The following ARID2 variants were observed in gnomAD, a reference collection of about 807,000 sequenced individuals.
ARID2 encodes the protein AT-rich interaction domain 2, also known as AT-rich interactive domain-containing protein 2.
Under a neutral mutation model 184.6 loss-of-function variants are expected in ARID2, and 32 were observed. That is an observed-to-expected ratio of 0.17 (90% confidence interval 0.13 to 0.23). ARID2 has a LOEUF of 0.23. Ranked by LOEUF, ARID2 falls within the 10% of genes least tolerant of loss-of-function variation. The pLI is 1.00. For synonymous variants in ARID2, 836 were observed against 772.6 expected (o/e 1.08, Z -1.36); for missense variants, 1,696 against 2,197.6 (o/e 0.77, Z 4.56).
chr12:45,741,118 T>A (rs1941245295), intron 3 of ARID2, among the ~76,000 whole-genome samples: 1 of 152,210 alleles, frequency 6.6e-6, no homozygotes, highest in Non-Finnish European at 1.5e-5. Context: ...CTTGCATTTA[T>A]TTGTGCTTGA....
In ARID2 at chr12:45,743,154, C is replaced by T. The variant is rs557583228; in HGVS notation, c.284+11840C>T. Among the ~76,000 whole-genome samples, 14 of 151,396 alleles carry T rather than the reference C, an allele frequency of 9.2e-5. No homozygotes were observed. In the South Asian group the frequency reaches 2.5e-3, roughly 27 times the overall value. On this transcript the variant is annotated intron_variant, in intron 3 of 20. Transcript: ENST00000334344. ...GGATCACAAGGTCAGGAGCTCGAGACCAGCCTGGCCGAGATAGTGAAACCC... is the reference window on the plus strand; with the variant it reads ...GGATCACAAGGTCAGGAGCTCGAGATCAGCCTGGCCGAGATAGTGAAACCC...
intron 20 of ARID2, among the ~76,000 whole-genome samples, chr12:45,894,741 AAG>A (rs1417226637): frequency 3.9e-5 from 6 of 151,992 alleles, no homozygotes; most frequent in African/African-American, 1.4e-4. Context: ...TTAGAAAAAA[AAG>A]AAATATAAAG....
intron 20 of ARID2, among the ~76,000 whole-genome samples, chr12:45,895,423 G>A (rs950839351): frequency 3.9e-5 from 6 of 152,172 alleles, no homozygotes; most frequent in Admixed American, 3.9e-4. Flanking sequence ...TAGGGATTCA[G>A]TATTTTGATC....
At chr12:45,780,766 C>T (rs764925482) in intron 3 of ARID2, among the ~76,000 whole-genome samples, 1 of 151,986 alleles carries the variant, frequency 6.6e-6, no homozygotes, top group Non-Finnish European at 1.5e-5. Flanking sequence ...TTACAGGTGC[C>T]TGCCACCACG....
chr12:45,840,678 A>G (rs1209323349), intron 11 of ARID2: 2 of 152,186 alleles, frequency 1.3e-5, no homozygotes, highest in South Asian at 2.1e-4. Flanking sequence ...TCAATTGCCA[A>G]TGCTTATGAA....
chr12:45,752,754 C>T (rs1297541457), intron 3 of ARID2, among the ~76,000 whole-genome samples: 3 of 152,178 alleles, frequency 2.0e-5, no homozygotes, highest in African/African-American at 7.2e-5. Context: ...CCTTGGCTTT[C>T]CAAAATGCTG....
In ARID2 at chr12:45,802,933, C is replaced by T. The variant is rs181463016; in HGVS notation, c.285-8485C>T. ...GATTTTCACATGTCTAATCTTACCC[C>T]GTAATCTTCCCTTCTTTTCCCCTTC... On this transcript the variant is annotated intron_variant, in intron 3 of 20. Transcript: ENST00000334344. 4.3e-4 allele frequency among the ~76,000 whole-genome samples: 66 copies of T among 152,188 alleles called. 1 individual carries two copies. Among genetic ancestry groups the T allele is most frequent in the African/African-American group, 1.2e-3 (49 of 41,538 alleles).
Position 45,851,808 on chromosome 12 carries a change from T to A in ARID2, c.3685T>A (p.Ser1229Thr), listed in dbSNP as rs1565623982. Residue 1229 changes from serine to threonine, a missense_variant, in exon 15 of 21, where the codon TCA becomes ACA. Ser to Thr is a moderately conservative substitution (Grantham distance 58). This residue lies in a region of ARID2 where 428 missense variants were observed against 409.1 expected (regional missense o/e 1.05). Coordinates refer to ENST00000334344, the MANE Select transcript of ARID2 (RefSeq NM_152641.4). ...ATQASPAGQS[S>T]CTTATPPFKG... Reference sequence around the variant, plus strand: ...TCAAGCATCTCCTGCTGGACAATCATCATGTACTACTGCTACTCCCCCATT... The same window carrying A: ...TCAAGCATCTCCTGCTGGACAATCAACATGTACTACTGCTACTCCCCCATT... The A allele has an allele frequency of 6.2e-7, 1 of 1,614,132 alleles. No individual in the cohort carries two copies.
chr12:45,757,342 C>T (rs12302862), intron 3 of ARID2, among the ~76,000 whole-genome samples: 15,441 of 152,206 alleles, frequency 0.1, 2,544 homozygotes, highest in African/African-American at 0.34. Context: ...ATTTCCCAAA[C>T]ACATTTGAGC....
At chr12:45,867,438 C>G (rs1943847745) in intron 16 of ARID2, among the ~76,000 whole-genome samples, 1 of 151,504 alleles carries the variant, frequency 6.6e-6, no homozygotes, top group African/African-American at 2.4e-5. Flanking sequence ...TTTTTCTAAG[C>G]TAATTTTAAA....
At chr12:45,761,962 C>G (rs1941690518) in intron 3 of ARID2, among the ~76,000 whole-genome samples, 1 of 152,036 alleles carries the variant, frequency 6.6e-6, no homozygotes, top group Non-Finnish European at 1.5e-5. Context: ...CAACTCTGTT[C>G]ATTTTCTTAT....
chr12:45,904,818 A>G (rs1944502928), intron 20 of ARID2, 116 bp from the exon 21 acceptor site: 1 of 987,860 alleles, frequency 1.0e-6, no homozygotes, highest in African/African-American at 1.7e-5. Context: ...ATTAACATTT[A>G]CGGGGTGTGG....
chr12:45,907,592 T>C lies in ARID2; in HGVS notation c.*2514T>C, dbSNP rs1944545153. ...ATAGCTTTATAGAACTATATAATAATATGGACTTGCTGTGTAATGGAATTA... is the reference window on the plus strand; with the variant it reads ...ATAGCTTTATAGAACTATATAATAACATGGACTTGCTGTGTAATGGAATTA... On this transcript the variant is annotated 3_prime_UTR_variant, in exon 21 of 21. Transcript: ENST00000334344. The C allele has an allele frequency of 1.3e-5, 3 of 233,024 alleles. No homozygotes were observed. In the South Asian group the frequency reaches 5.4e-4, roughly 42 times the overall value. The allele number at this position is 233,024 out of a possible 1,614,324, so 14.4% of individuals were successfully genotyped here. A position where few individuals can be genotyped will look rare whatever the true frequency, so the allele number is the denominator to read the frequency against.
At chr12:45,802,898 C>T (rs548786331) in intron 3 of ARID2, among the ~76,000 whole-genome samples, 2 of 152,288 alleles carry the variant, frequency 1.3e-5, no homozygotes, top group South Asian at 4.1e-4. Flanking sequence ...CTGTGAATGA[C>T]ATAATAAATG....
intron 3 of ARID2, among the ~76,000 whole-genome samples, chr12:45,736,750 AAAG>A (rs1370777272): frequency 6.6e-6 from 1 of 152,216 alleles, no homozygotes; most frequent in Non-Finnish European, 1.5e-5. Flanking sequence ...ATTTCCATGA[AAAG>A]AAGACGAAAT....
intron 3 of ARID2, among the ~76,000 whole-genome samples, chr12:45,759,644 C>T (rs1941637089): frequency 6.6e-6 from 1 of 152,152 alleles, no homozygotes; most frequent in Non-Finnish European, 1.5e-5. Context: ...TATGTAAACA[C>T]ATACCTAGGA....
chr12:45,822,000 G>C (rs1942906066), intron 6 of ARID2, among the ~76,000 whole-genome samples: 1 of 152,174 alleles, frequency 6.6e-6, no homozygotes, highest in Non-Finnish European at 1.5e-5. Flanking sequence ...CTTAACACTT[G>C]TCTAACTTTG....
chr12:45,730,269 C>T, intron 2 of ARID2, 132 bp downstream of exon 2: 1 of 755,152 alleles, frequency 1.3e-6, no homozygotes, highest in Non-Finnish European at 1.9e-6. Context: ...CGCTCCCAGC[C>T]GGTGGCACGG....
chr12:45,864,575 CCTGATA>C (rs1943803895), intron 16 of ARID2, among the ~76,000 whole-genome samples: 2 of 148,824 alleles, frequency 1.3e-5, no homozygotes, highest in African/African-American at 4.9e-5. Context: ...TCTGGATTTT[CCTGATA>C]CTGTTTAGCA....
Sources: allele counts gnomAD v4.1 joint callset (sites outside exome capture counted in the v4.1 genomes callset), GRCh38; gene constraint gnomAD v4.1.1; regional missense constraint gnomAD v4.1.1; transcripts MANE v1.5; gene names NCBI Gene and HGNC (gene_info 2026-07-23, HGNC 2026-07-21).